PKD2L1: variants seen among roughly 807,000 people sequenced by gnomAD.
The protein encoded by PKD2L1 is polycystin 2 like 1, transient receptor potential cation channel.
Under a neutral mutation model 93.0 loss-of-function variants are expected in PKD2L1, and 77 were observed. The ratio of observed to expected loss-of-function variants is 0.83; its 90% CI spans 0.69 to 1.00. The LOEUF (loss-of-function observed/expected upper bound fraction) is 1.00, where lower values mean the gene tolerates loss of function less well. Among genes scored for constraint, PKD2L1 ranks in the 50% least tolerant of loss-of-function variants. The pLI, the probability that PKD2L1 is intolerant of heterozygous loss-of-function variation, is 0.00. For missense variants in PKD2L1, 977 were observed against 990.9 expected (o/e 0.99, Z 0.19); for synonymous variants, 390 against 388.0 (o/e 1.01, Z -0.06).
chr10:100,298,728 A>C lies in PKD2L1; in HGVS notation c.565T>G (p.Tyr189Asp). The change falls in exon 4 of 16, where the codon TAC (tyrosine) becomes GAC (aspartate). Residue 189 changes from tyrosine to aspartate, a missense_variant. Transcript: ENST00000318222. ...ACCCCCAGCAGCATGTTCTCATAGT[A>C]GATGAAGGAGTGGGAGCCATGGCCC... ...SLGHGSHSFI[Y>D]YENMLLGVPR... 6.2e-7 allele frequency: 1 copy of C among 1,614,052 alleles called. No homozygotes were observed. The highest frequency in any genetic ancestry group is 1.3e-5 in the African/African-American group (1 of 74,990).
chr10:100,329,987 G>A lies in PKD2L1; in HGVS notation c.117C>T (p.Thr39=), dbSNP rs747071192. 1.2e-6 allele frequency: 2 copies of A among 1,613,906 alleles called. No homozygotes were observed. Among genetic ancestry groups the A allele is most frequent in the African/African-American group, 2.7e-5 (2 of 75,054 alleles). ...PSPHGTLRVC[T]ISSTGPLQPQ... ...GCTGGAGAGGCCCCGTGCTGGAGAT[G>A]GTGCAGACTCTCAGCGTCCCGTGTG... The change falls in exon 1 of 16, where the codon ACC becomes ACT. Residue 39 remains threonine (T), a synonymous_variant. Transcript: ENST00000318222.
chr10:100,314,694 G>A (rs1450347063), intron 2 of PKD2L1, among the ~76,000 whole-genome samples: 1 of 151,910 alleles, frequency 6.6e-6, no homozygotes, highest in Non-Finnish European at 1.5e-5. Flanking sequence ...TAAACCAACA[G>A]AAGCTTCTTT....
At chr10:100,317,345 G>C (rs550811735) in intron 2 of PKD2L1, among the ~76,000 whole-genome samples, 49 of 151,842 alleles carry the variant, frequency 3.2e-4, no homozygotes, top group Non-Finnish European at 5.0e-4. Context: ...TTCAAGACCA[G>C]CCTGGGCAAC....
At chr10:100,327,163 A>G (rs1849397869) in intron 2 of PKD2L1, among the ~76,000 whole-genome samples, 2 of 152,210 alleles carry the variant, frequency 1.3e-5, no homozygotes, top group South Asian at 2.1e-4. Flanking sequence ...AAGGAAACAG[A>G]GCTGCCCAAT....
chr10:100,296,866 C>T, intron 6 of PKD2L1, 114 bp downstream of exon 6: 2 of 667,920 alleles, frequency 3.0e-6, no homozygotes, highest in Non-Finnish European at 2.6e-6. Flanking sequence ...GATGATTTGA[C>T]CAAAAGTCAG....
intron 2 of PKD2L1, among the ~76,000 whole-genome samples, chr10:100,314,994 GGAAGGAAGGAAGGAA>G (rs1265546238): frequency 0.031 from 425 of 13,502 alleles, 7 homozygotes; most frequent in South Asian, 0.087. Flanking sequence ...AAGGAAGGAA[GGAAGGAAGGAAGGAA>G]GGAAGGGAAG....
intron 9 of PKD2L1, 51 bp from the exon 10 acceptor site, chr10:100,293,430 G>A: frequency 1.7e-6 from 2 of 1,196,752 alleles, no homozygotes; most frequent in Non-Finnish European, 2.5e-6. Context: ...CCACTGAAAG[G>A]ATTGAGCCCA....
At chr10:100,290,701 G>A (rs1263490913) in intron 12 of PKD2L1, among the ~76,000 whole-genome samples, 182 bp from the exon 13 acceptor site, 1 of 152,190 alleles carries the variant, frequency 6.6e-6, no homozygotes, top group Non-Finnish European at 1.5e-5. Context: ...ACCAACCTCT[G>A]GAGGAGTCAC....
In PKD2L1 at chr10:100,292,984, TCCTGCTCCCCAC is replaced by T; in HGVS notation, c.1832_1843del (p.Gly611_Gln614del). 6.2e-7 allele frequency: 1 copy of T among 1,614,160 alleles called. No individual in the cohort carries two copies. The highest frequency in any genetic ancestry group is 1.7e-5 in the Admixed American group (1 of 60,022). ...GTTGGTGAAATCCTCAAACTGGATCTCCTGCTCCCCACCCTGCAGGACCTTCTGCACATCCGA... is the reference window on the plus strand; with the variant it reads ...GTTGGTGAAATCCTCAAACTGGATCTCCTGCAGGACCTTCTGCACATCCGA... On this transcript the variant is annotated inframe_deletion, in exon 11 of 16. Transcript: ENST00000318222.
chr10:100,319,873 A>G (rs934127604), intron 2 of PKD2L1, among the ~76,000 whole-genome samples: 5 of 152,216 alleles, frequency 3.3e-5, no homozygotes, highest in Non-Finnish European at 7.3e-5. Flanking sequence ...AATGTCTCCT[A>G]AAACAAACAG....
chr10:100,307,672 T>TA (rs1431473642), intron 2 of PKD2L1, among the ~76,000 whole-genome samples: 3 of 151,922 alleles, frequency 2.0e-5, no homozygotes, highest in Non-Finnish European at 4.4e-5. Context: ...AAAATAAAAA[T>TA]AAAAAGTTAT....
intron 2 of PKD2L1, among the ~76,000 whole-genome samples, chr10:100,305,256 C>A (rs866916788): frequency 1.3e-5 from 2 of 151,758 alleles, no homozygotes; most frequent in African/African-American, 4.8e-5. Flanking sequence ...GGATTACGGG[C>A]GCCCGGCACC....
rs1848460877 is a variant in PKD2L1, at chr10:100,293,833, C to A, written c.1660-454G>T. 3.3e-5 allele frequency among the ~76,000 whole-genome samples: 5 copies of A among 152,166 alleles called. No individual in the cohort carries two copies. In the South Asian group the frequency reaches 1.0e-3, roughly 32 times the overall value. ...GTAAAAATAAAATCCAAGAGCTGGG[C>A]ACACTGGCCTACACCTGTAATCCAG... On this transcript the variant is annotated intron_variant, in intron 9 of 15. Transcript: ENST00000318222.
In PKD2L1 at chr10:100,296,233, C is replaced by T; in HGVS notation, c.1245G>A (p.Met415Ile). 6.2e-7 allele frequency: 1 copy of T among 1,610,830 alleles called. No individual in the cohort carries two copies. Among genetic ancestry groups the T allele is most frequent in the Non-Finnish European group, 8.5e-7 (1 of 1,178,642 alleles). Residue 415 changes from methionine to isoleucine, a missense_variant, in exon 7 of 16, where the codon ATG becomes ATA. By Grantham distance (10) the Met-to-Ile change is conservative. Transcript: ENST00000318222. ...TGTTTGGCTGCTGCAGGAGCTTCCC[C>T]ATGAGCCGATTCACCTCGAGGGTTC... ...IFRTLEVNRL[M>I]GKLLQQPNTY...
intron 2 of PKD2L1, among the ~76,000 whole-genome samples, chr10:100,311,588 C>T (rs959168369): frequency 2.6e-5 from 4 of 152,204 alleles, no homozygotes; most frequent in African/African-American, 9.7e-5. Flanking sequence ...GTCACCAGTG[C>T]TGACTTCAGT....
chr10:100,303,751 T>C (rs1047565255), intron 2 of PKD2L1, among the ~76,000 whole-genome samples: 2 of 152,228 alleles, frequency 1.3e-5, no homozygotes, highest in African/African-American at 4.8e-5. Flanking sequence ...TTGTCATTAG[T>C]TATTTGGACT....
chr10:100,310,416 C>G (rs559154740), intron 2 of PKD2L1, among the ~76,000 whole-genome samples: 31 of 152,170 alleles, frequency 2.0e-4, no homozygotes, highest in Non-Finnish European at 4.1e-4. Context: ...AATTAAAATA[C>G]ATTCTTATCC....
chr10:100,327,031 T>C (rs547599172), intron 2 of PKD2L1, among the ~76,000 whole-genome samples: 8 of 152,186 alleles, frequency 5.3e-5, no homozygotes, highest in Non-Finnish European at 1.2e-4. Flanking sequence ...ACCTCAGTAG[T>C]TGGCTTAATA....
intron 2 of PKD2L1, among the ~76,000 whole-genome samples, chr10:100,318,811 A>G (rs1006252986): frequency 2.8e-5 from 4 of 143,948 alleles, no homozygotes; most frequent in Admixed American, 1.4e-4. Flanking sequence ...GAGCCACCGC[A>G]CCCAGCCTGT....
Sources: allele counts gnomAD v4.1 joint callset (sites outside exome capture counted in the v4.1 genomes callset), GRCh38; gene constraint gnomAD v4.1.1; transcripts MANE v1.5; gene names NCBI Gene and HGNC (gene_info 2026-07-23, HGNC 2026-07-21).